The following PLEKHA7 variants were observed in gnomAD, a reference collection of about 807,000 sequenced individuals.
The protein encoded by PLEKHA7 is pleckstrin homology domain-containing family A member 7.
Under a neutral mutation model 170.0 loss-of-function variants are expected in PLEKHA7, and 104 were observed. The observed-to-expected ratio is 0.61, with a 90% CI of 0.52 to 0.72. PLEKHA7 has a LOEUF of 0.72. Ranked by LOEUF, PLEKHA7 falls within the 30% of genes least tolerant of loss-of-function variation. The pLI is 0.00. For missense variants in PLEKHA7, 1,615 were observed against 1,671.7 expected (o/e 0.97, Z 0.59); for synonymous variants, 648 against 660.8 (o/e 0.98, Z 0.30).
rs1329340402 is a variant in PLEKHA7 at position 16,783,569 on chromosome 11, T to C, written c.3650+131A>G. ...CGATGTACCAGCCTGCCCCCTCCAATGAGTAGGGCTTACCTGAGACGAAGA... is the reference window on the plus strand; with the variant it reads ...CGATGTACCAGCCTGCCCCCTCCAACGAGTAGGGCTTACCTGAGACGAAGA... On this transcript the variant is annotated intron_variant, in intron 25 of 26. Transcript: ENST00000531066. 5 of 1,026,264 alleles carry C rather than the reference T, an allele frequency of 4.9e-6. No individual in the cohort carries two copies. The African/African-American group carries it at 5.0e-5, about 10-fold the overall frequency. The allele number at this position is 1,026,264 out of a possible 1,614,324, so 63.6% of individuals were successfully genotyped here.
Position 17,014,020 on chromosome 11 carries a change from A to G in PLEKHA7, c.190T>C (p.Phe64Leu). 6.4e-7 allele frequency: 1 copy of G among 1,551,748 alleles called. No individual in the cohort carries two copies. Among genetic ancestry groups the G allele is most frequent in the Non-Finnish European group, 8.7e-7 (1 of 1,148,496 alleles). Residue 64 changes from phenylalanine to leucine, a missense_variant, in exon 3 of 27, where the codon TTC becomes CTC. By Grantham distance (22) the Phe-to-Leu change is conservative. Coordinates refer to ENST00000531066, the MANE Select transcript of PLEKHA7 (RefSeq NM_001329630.2). ...SDLPRGWEEGFTEEGASYFID... is the reference protein window; with the variant it reads ...SDLPRGWEEGLTEEGASYFID... Reference sequence around the variant, plus strand: ...AAGTAGCTGGCGCCCTCCTCCGTGAAGCCCTCCTCCCAGCCGCGGGGCAGG... The same window carrying G: ...AAGTAGCTGGCGCCCTCCTCCGTGAGGCCCTCCTCCCAGCCGCGGGGCAGG...
chr11:16,831,952 A>G (rs888326959), intron 9 of PLEKHA7, among the ~76,000 whole-genome samples: 14 of 152,210 alleles, frequency 9.2e-5, no homozygotes, highest in Admixed American at 7.9e-4. Context: ...TCTCCCTTGT[A>G]GCTGAGGATG....
chr11:17,001,080 T>G (rs1405803038), intron 3 of PLEKHA7, among the ~76,000 whole-genome samples: 1 of 152,156 alleles, frequency 6.6e-6, no homozygotes, highest in East Asian at 1.9e-4. Flanking sequence ...CTCTCCTGCC[T>G]TGGGCTGCTC....
chr11:16,889,417 AAAAATAT>A (rs1302114714), intron 3 of PLEKHA7, among the ~76,000 whole-genome samples: 79 of 111,314 alleles, frequency 7.1e-4, no homozygotes, highest in African/African-American at 2.4e-3. Flanking sequence ...AAAAAAAAAA[AAAAATAT>A]ATATATATAT....
intron 3 of PLEKHA7, among the ~76,000 whole-genome samples, chr11:16,912,331 T>C (rs1206400412): frequency 2.0e-5 from 3 of 152,178 alleles, no homozygotes; most frequent in African/African-American, 4.8e-5. Context: ...AGTGGGGACT[T>C]TGGCCTCCAA....
intron 8 of PLEKHA7, among the ~76,000 whole-genome samples, chr11:16,847,090 CTTTTTTTTTTTT>C (rs59132787): frequency 4.2e-5 from 3 of 70,814 alleles, no homozygotes; most frequent in Non-Finnish European, 5.3e-5. Context: ...TTTTTTTTTT[CTTTTTTTTTTTT>C]TTTTTTTTTT....
At chr11:16,824,123 G>A (rs1019244025) in intron 10 of PLEKHA7, among the ~76,000 whole-genome samples, 1 of 152,098 alleles carries the variant, frequency 6.6e-6, no homozygotes, top group African/African-American at 2.4e-5. Flanking sequence ...TAGTGGGCAG[G>A]GGGGAGTAGG....
chr11:16,883,208 C>A (rs754681123), intron 3 of PLEKHA7, among the ~76,000 whole-genome samples: 1 of 152,102 alleles, frequency 6.6e-6, no homozygotes, highest in Non-Finnish European at 1.5e-5. Context: ...GAAACCACAT[C>A]GGGCACCAGC....
chr11:16,788,991 T>C (rs1250367050), intron 23 of PLEKHA7, 105 bp downstream of exon 23: 22 of 1,377,554 alleles, frequency 1.6e-5, no homozygotes, highest in African/African-American at 2.9e-5. Context: ...TGTAGGTCAA[T>C]GGACAGCTCT....
intron 3 of PLEKHA7, among the ~76,000 whole-genome samples, chr11:16,982,894 G>A (rs1259683158): frequency 6.6e-6 from 1 of 151,706 alleles, no homozygotes; most frequent in Non-Finnish European, 1.5e-5. Flanking sequence ...AGGATTCCTG[G>A]ACTCCACACA....
intron 3 of PLEKHA7, among the ~76,000 whole-genome samples, chr11:16,906,325 T>C (rs1281228584): frequency 3.1e-5 from 4 of 130,752 alleles, no homozygotes; most frequent in African/African-American, 1.2e-4. Flanking sequence ...CTCCCTCCTC[T>C]CACTCTCCCT....
intron 3 of PLEKHA7, among the ~76,000 whole-genome samples, chr11:16,894,036 G>T (rs1272981978): frequency 6.6e-6 from 1 of 152,142 alleles, no homozygotes; most frequent in African/African-American, 2.4e-5. Flanking sequence ...CTTTCCAACT[G>T]CCCCTTCTAC....
In PLEKHA7 at chr11:16,791,151, C is replaced by T. The variant is rs752789872; in HGVS notation, c.2794G>A (p.Glu932Lys). The change falls in exon 20 of 27, where the codon GAG becomes AAG. Residue 932 changes from glutamate (E) to lysine (K), a missense_variant. Transcript: ENST00000531066. This position sits in a 1 kb window ranked among gnomAD's most constrained non-coding sequence, Gnocchi z 4.5. Reference sequence around the variant, plus strand: ...GGCGGCACAGCCGGGGGCTGGTCCTCTGGGCTGTAGAGTTCGGGGAGTGGG... The same window carrying T: ...GGCGGCACAGCCGGGGGCTGGTCCTTTGGGCTGTAGAGTTCGGGGAGTGGG... ...RPPLPELYSP[E>K]DQPPAVPPLP... 2 of 1,613,618 alleles carry T rather than the reference C, an allele frequency of 1.2e-6. No individual in the cohort carries two copies. Among genetic ancestry groups the T allele is most frequent in the Non-Finnish European group, 1.7e-6 (2 of 1,179,752 alleles).
intron 3 of PLEKHA7, among the ~76,000 whole-genome samples, chr11:16,906,444 C>A (rs1857713548): frequency 7.0e-6 from 1 of 143,570 alleles, no homozygotes; most frequent in Non-Finnish European, 1.5e-5. Context: ...CCTCAGCCTG[C>A]CGAGTGCCTG....
rs114630651 is a variant in PLEKHA7, at chr11:16,822,418, G to T, written c.1343+3702C>A. ...AAAGGGTTTCTGTTACTGAGCAAAA[G>T]ACCCGTGAGGTTCTGGACTTTCCTT... On this transcript the variant is annotated intron_variant, in intron 10 of 26. Transcript: ENST00000531066. 3.9e-3 allele frequency among the ~76,000 whole-genome samples: 568 copies of T among 144,542 alleles called. 3 individuals are homozygous for T. The highest frequency in any genetic ancestry group is 0.014 in the African/African-American group (549 of 38,366). 94.8% of individuals were successfully genotyped at this position (144,542 alleles called of 152,430 possible).
At chr11:16,795,112 T>A in intron 17 of PLEKHA7, 94 bp from the exon 18 acceptor site, 2 of 882,136 alleles carry the variant, frequency 2.3e-6, no homozygotes, top group Non-Finnish European at 3.8e-6. Flanking sequence ...CCCCCCGCCC[T>A]GAGGGGCAGC....
At chr11:16,889,422 T>A (rs7483160) in intron 3 of PLEKHA7, among the ~76,000 whole-genome samples, 12,709 of 69,780 alleles carry the variant, frequency 0.18, 889 homozygotes, top group Non-Finnish European at 0.25. Context: ...AAAAAAAAAA[T>A]ATATATATAT....
intron 3 of PLEKHA7, among the ~76,000 whole-genome samples, chr11:16,899,213 A>G (rs1031792150): frequency 3.9e-5 from 6 of 152,202 alleles, no homozygotes; most frequent in African/African-American, 1.4e-4. Context: ...ACTTTTGCAT[A>G]TGGCTGGGCG....
chr11:16,803,785 A>T (rs575365731), intron 13 of PLEKHA7, among the ~76,000 whole-genome samples: 1 of 152,286 alleles, frequency 6.6e-6, no homozygotes, highest in South Asian at 2.1e-4. Context: ...GTCTCTGAGC[A>T]GCCCACTTCC....
Sources: gnomAD v4.1 joint callset for allele counts (sites outside exome capture counted in the v4.1 genomes callset) on GRCh38, gnomAD v4.1.1 for gene constraint, Gnocchi (gnomAD v3.1) non-coding constraint, MANE v1.5 for transcripts, NCBI Gene and HGNC (gene_info 2026-07-23, HGNC 2026-07-21) for gene names.